CCDC15: variants seen among roughly 807,000 people sequenced by gnomAD.
The protein encoded by CCDC15 is coiled-coil domain-containing protein 15.
Under a neutral mutation model 114.5 loss-of-function variants are expected in CCDC15, and 105 were observed. The observed-to-expected ratio is 0.92, with a 90% CI of 0.78 to 1.08. The LOEUF is 1.08. Among genes scored for constraint, CCDC15 ranks in the 50% least tolerant of loss-of-function variants. The pLI, the probability that CCDC15 is intolerant of heterozygous loss-of-function variation, is 0.00. For missense variants in CCDC15, 1,105 were observed against 1,093.6 expected (o/e 1.01, Z -0.15); for synonymous variants, 334 against 377.8 (o/e 0.88, Z 1.34).
intron 11 of CCDC15, among the ~76,000 whole-genome samples, chr11:125,003,014 C>CCAGT (rs1948503242): frequency 6.6e-6 from 1 of 151,970 alleles, no homozygotes; most frequent in African/African-American, 2.4e-5. Flanking sequence ...ATTGGGTCTT[C>CCAGT]CAGTCCATAA....
At chr11:125,012,808 T>TA (rs1179706645) in intron 13 of CCDC15, among the ~76,000 whole-genome samples, 5 of 152,208 alleles carry the variant, frequency 3.3e-5, no homozygotes, top group Non-Finnish European at 5.9e-5. Flanking sequence ...ATTGAAAACT[T>TA]ACTACATGCC....
intron 6 of CCDC15, among the ~76,000 whole-genome samples, chr11:124,985,152 G>T (rs1948135822): frequency 6.6e-6 from 1 of 152,158 alleles, no homozygotes; most frequent in African/African-American, 2.4e-5. Context: ...ATGTTTTAAA[G>T]TTCATCCACA....
At chr11:124,992,532 A>G (rs1948287647) in intron 9 of CCDC15, 48 bp from the exon 10 acceptor site, 2 of 1,118,198 alleles carry the variant, frequency 1.8e-6, no homozygotes, top group African/African-American at 3.2e-5. Context: ...TTAGCATTAC[A>G]CAATTTTTTT....
intron 5 of CCDC15, among the ~76,000 whole-genome samples, chr11:124,976,617 C>G (rs1014611963): frequency 6.6e-6 from 1 of 151,868 alleles, no homozygotes; most frequent in African/African-American, 2.4e-5. Flanking sequence ...ACACTTTCTA[C>G]TAAATCAGAA....
intron 11 of CCDC15, among the ~76,000 whole-genome samples, chr11:124,993,508 A>T (rs549014991): frequency 6.6e-6 from 1 of 152,302 alleles, no homozygotes; most frequent in East Asian, 1.9e-4. Flanking sequence ...CACAGGAATG[A>T]TGATCCCGCT....
At chr11:125,010,826 GT>G (rs1297340696) in intron 13 of CCDC15, among the ~76,000 whole-genome samples, 2 of 152,064 alleles carry the variant, frequency 1.3e-5, no homozygotes, top group Non-Finnish European at 2.9e-5. Flanking sequence ...TTTTGCTTTT[GT>G]TGCAATTGCT....
intron 13 of CCDC15, among the ~76,000 whole-genome samples, chr11:125,027,275 G>T (rs1007465427): frequency 1.3e-5 from 2 of 152,088 alleles, no homozygotes; most frequent in Non-Finnish European, 2.9e-5. Context: ...TTGCTGGATG[G>T]AATTGCATTT....
At chr11:124,997,325 C>T (rs1018236243) in intron 11 of CCDC15, among the ~76,000 whole-genome samples, 4 of 152,206 alleles carry the variant, frequency 2.6e-5, no homozygotes, top group African/African-American at 9.6e-5. Flanking sequence ...GACTGTCACT[C>T]AGTTGCCCAG....
intron 13 of CCDC15, among the ~76,000 whole-genome samples, chr11:125,021,434 A>G (rs1357603748): frequency 2.0e-5 from 3 of 151,882 alleles, no homozygotes; most frequent in Non-Finnish European, 2.9e-5. Context: ...ATACACAGAT[A>G]TAACCGTTTA....
intron 13 of CCDC15, among the ~76,000 whole-genome samples, chr11:125,032,484 A>G (rs1948746625): frequency 6.6e-6 from 1 of 152,180 alleles, no homozygotes; most frequent in Admixed American, 6.5e-5. Context: ...ATTCTCTAAG[A>G]TCCATCTGTC....
intron 6 of CCDC15, among the ~76,000 whole-genome samples, chr11:124,985,982 G>A (rs997787158): frequency 2.6e-5 from 4 of 151,892 alleles, no homozygotes; most frequent in African/African-American, 7.3e-5. Flanking sequence ...AGATTTTATA[G>A]TTTTTAGCTC....
intron 13 of CCDC15, among the ~76,000 whole-genome samples, chr11:125,035,400 G>A (rs889046107): frequency 3.3e-5 from 5 of 151,592 alleles, no homozygotes; most frequent in South Asian, 4.2e-4. Flanking sequence ...AGCTACTCCT[G>A]CTCTTTTTTG....
chr11:125,000,064 T>C (rs925854026), intron 11 of CCDC15, among the ~76,000 whole-genome samples: 2 of 151,814 alleles, frequency 1.3e-5, no homozygotes. Context: ...GGTTTCACCA[T>C]GTTGGCCAGG....
chr11:124,958,180 T>A (rs2135426544), intron 2 of CCDC15, among the ~76,000 whole-genome samples: 1 of 152,320 alleles, frequency 6.6e-6, no homozygotes, highest in Admixed American at 6.5e-5. Flanking sequence ...TGACTATGAT[T>A]ATTATTCAAA....
At chr11:124,954,674 T>G in intron 1 of CCDC15, 50 bp from the exon 2 acceptor site, 1 of 1,565,904 alleles carries the variant, frequency 6.4e-7, no homozygotes, top group Admixed American at 1.7e-5. Flanking sequence ...GAGGTTGAAC[T>G]TTTAATGCAG....
intron 13 of CCDC15, among the ~76,000 whole-genome samples, chr11:125,033,216 A>G (rs897733951): frequency 4.6e-5 from 7 of 152,214 alleles, no homozygotes; most frequent in Admixed American, 3.9e-4. Context: ...GCTTATATAA[A>G]TTAAGTAGGA....
intron 6 of CCDC15, 24 bp from the exon 7 acceptor site, chr11:124,986,718 C>CGT: frequency 2.0e-6 from 3 of 1,529,830 alleles, no homozygotes; most frequent in Non-Finnish European, 2.6e-6. Flanking sequence ...CGCGCGTGCG[C>CGT]GTTTTCATTG....
intron 6 of CCDC15, 76 bp from the exon 7 acceptor site, chr11:124,986,666 G>A (rs1948160664): frequency 3.5e-6 from 4 of 1,151,062 alleles, no homozygotes; most frequent in African/African-American, 4.5e-5. Flanking sequence ...GCTACATGGT[G>A]CTGTGTGTGT....
intron 2 of CCDC15, among the ~76,000 whole-genome samples, chr11:124,958,099 G>A (rs1446203842): frequency 6.6e-6 from 1 of 152,200 alleles, no homozygotes; most frequent in African/African-American, 2.4e-5. Context: ...TTTGAGGATA[G>A]AGTGCTACAA....
Sources: gnomAD v4.1 joint callset for allele counts (sites outside exome capture counted in the v4.1 genomes callset) on GRCh38, gnomAD v4.1.1 for gene constraint, MANE v1.5 for transcripts, NCBI Gene and HGNC (gene_info 2026-07-23, HGNC 2026-07-21) for gene names.